Variants in TRMT11 observed in about 807,000 individuals in gnomAD.
TRMT11 encodes the protein tRNA methyltransferase 11, also known as tRNA (guanine(10)-N(2))-methyltransferase TRMT11.
Under a neutral mutation model 62.8 loss-of-function variants are expected in TRMT11, and 53 were observed. The ratio of observed to expected loss-of-function variants is 0.84; its 90% CI spans 0.68 to 1.06. TRMT11 has a LOEUF of 1.06. Among genes scored for constraint, TRMT11 ranks in the 50% least tolerant of loss-of-function variants. TRMT11 has a pLI of 0.00. For synonymous variants in TRMT11, 188 were observed against 190.3 expected, an observed-to-expected ratio of 0.99 and a Z score of 0.10; for missense variants, 556 against 553.4, an observed-to-expected ratio of 1.00 and a Z score of -0.05.
At chr6:126,134,021 C>A (rs1472381801) in intron 21 of TRMT11, among the ~76,000 whole-genome samples, 1 of 151,722 alleles carries the variant, frequency 6.6e-6, no homozygotes, top group Non-Finnish European at 1.5e-5. Context: ...GAGTAAAAAT[C>A]AATTTCAATT....
At chr6:126,240,876 C>T in the TRMT11 span, among the ~76,000 whole-genome samples, 23 of 152,332 alleles carry the variant, frequency 1.5e-4, no homozygotes, top group East Asian at 3.9e-4. Context: ...GCTTCCAGGC[C>T]GCTTTGTTTA....
At chr6:126,134,673 A>G (rs1777830990) in intron 21 of TRMT11, among the ~76,000 whole-genome samples, 1 of 151,896 alleles carries the variant, frequency 6.6e-6, no homozygotes, top group Admixed American at 6.6e-5. Context: ...CATTTCATCC[A>G]GTTGGATGTG....
At chr6:126,056,054 A>G (rs1311281249) in intron 17 of TRMT11, among the ~76,000 whole-genome samples, 2 of 152,230 alleles carry the variant, frequency 1.3e-5, no homozygotes, top group African/African-American at 4.8e-5. Context: ...ATGTGAAACA[A>G]TGGCAAAAGC....
chr6:126,033,106 G>A (rs1302696196), intron 12 of TRMT11, among the ~76,000 whole-genome samples: 1 of 152,130 alleles, frequency 6.6e-6, no homozygotes, highest in Non-Finnish European at 1.5e-5. Flanking sequence ...TAAGAAGGAG[G>A]TGATAAAAGA....
At chr6:126,117,122 C>T (rs1176347854) in intron 21 of TRMT11, among the ~76,000 whole-genome samples, 1 of 152,034 alleles carries the variant, frequency 6.6e-6, no homozygotes, top group Non-Finnish European at 1.5e-5. Context: ...TACTTTTGTA[C>T]ATTTGCTTTT....
At chr6:126,076,906 A>G (rs1250913680) in intron 17 of TRMT11, among the ~76,000 whole-genome samples, 1 of 152,174 alleles carries the variant, frequency 6.6e-6, no homozygotes, top group African/African-American at 2.4e-5. Context: ...ATATTAAGGG[A>G]GAGACTCCCC....
In TRMT11 at chr6:126,012,794, A is replaced by G; in HGVS notation, c.949A>G (p.Thr317Ala). ...AGCTCCATATGGTATCAGAGAATCT[A>G]CAAGAAGAACAGGTTCACAGAAGGA... The part of the protein sequence containing the change: ...TDPPYGIRES[T>A]RRTGSQKEIP... Residue 317 changes from threonine (T) to alanine (A), a missense_variant, in exon 10 of 13, where the codon ACA (threonine) becomes GCA (alanine). By Grantham distance (58) the Thr-to-Ala change is moderately conservative. Coordinates refer to ENST00000334379, the MANE Select transcript of TRMT11 (RefSeq NM_001031712.3). The G allele has an allele frequency of 6.2e-7, 1 of 1,613,730 alleles. No homozygotes were observed. Among genetic ancestry groups the G allele is most frequent in the Non-Finnish European group, 8.5e-7 (1 of 1,179,696 alleles).
At chr6:126,027,485 C>T (rs1193434470) in intron 12 of TRMT11, among the ~76,000 whole-genome samples, 2 of 152,094 alleles carry the variant, frequency 1.3e-5, no homozygotes, top group Non-Finnish European at 2.9e-5. Flanking sequence ...ATTAAGTGGG[C>T]CATCATGTGC....
At chr6:126,131,891 G>A (rs1777788330) in intron 21 of TRMT11, among the ~76,000 whole-genome samples, 1 of 151,816 alleles carries the variant, frequency 6.6e-6, no homozygotes, top group Non-Finnish European at 1.5e-5. Flanking sequence ...AATACAATAT[G>A]CCTTGCTGGC....
At chr6:126,267,940 C>A in the TRMT11 span, among the ~76,000 whole-genome samples, 1 of 151,782 alleles carries the variant, frequency 6.6e-6, no homozygotes, top group Non-Finnish European at 1.5e-5. Flanking sequence ...TAATCTCTTA[C>A]TCTGAGAGAT....
chr6:126,067,179 G>A (rs183787410), intron 17 of TRMT11, among the ~76,000 whole-genome samples: 164 of 147,452 alleles, frequency 1.1e-3, no homozygotes, highest in Non-Finnish European at 1.8e-3. Flanking sequence ...CAGCCTGGGC[G>A]ACAGAGTGAG....
At chr6:126,235,157 C>T in the TRMT11 span, among the ~76,000 whole-genome samples, 2 of 152,044 alleles carry the variant, frequency 1.3e-5, no homozygotes, top group Non-Finnish European at 2.9e-5. Flanking sequence ...AATGAGATAC[C>T]ATCTCACACT....
At chr6:126,268,779 GTTAAAATTGGATA>G in the TRMT11 span, among the ~76,000 whole-genome samples, 2 of 152,126 alleles carry the variant, frequency 1.3e-5, no homozygotes, top group Non-Finnish European at 2.9e-5. Flanking sequence ...AAAATTAGAT[GTTAAAATTGGATA>G]TTAAAACACA....
the TRMT11 span, among the ~76,000 whole-genome samples, chr6:126,218,739 A>G: frequency 1.3e-5 from 2 of 152,208 alleles, no homozygotes; most frequent in Admixed American, 6.5e-5. Flanking sequence ...TTTTCTCACT[A>G]GGTCATGTGC....
At chr6:126,138,016 A>G (rs1777872473) in intron 21 of TRMT11, among the ~76,000 whole-genome samples, 1 of 151,960 alleles carries the variant, frequency 6.6e-6, no homozygotes, top group African/African-American at 2.4e-5. Context: ...AATATAGTTA[A>G]TAGAAGGAAT....
At chr6:126,135,839 A>G (rs1777843594) in intron 21 of TRMT11, among the ~76,000 whole-genome samples, 1 of 151,906 alleles carries the variant, frequency 6.6e-6, no homozygotes, top group African/African-American at 2.4e-5. Context: ...AACATACACA[A>G]ATCAATAAAC....
chr6:126,005,526 A>G (rs1793221775), intron 7 of TRMT11, among the ~76,000 whole-genome samples: 1 of 151,984 alleles, frequency 6.6e-6, no homozygotes, highest in South Asian at 2.1e-4. Context: ...GTGAACTGTA[A>G]TGGTTATCAT....
intron 17 of TRMT11, among the ~76,000 whole-genome samples, chr6:126,106,481 G>T (rs1046406669): frequency 6.6e-5 from 10 of 152,058 alleles, no homozygotes; most frequent in African/African-American, 2.4e-4. Flanking sequence ...TAGCTTTTTG[G>T]CCTCACTACT....
At chr6:125,997,994 TG>T (rs1791850764) in intron 3 of TRMT11, 58 bp from the exon 4 acceptor site, 1 of 1,163,416 alleles carries the variant, frequency 8.6e-7, no homozygotes, top group Non-Finnish European at 1.3e-6. Flanking sequence ...AATGACTGTA[TG>T]TATTCCTGTG....
Sources: gnomAD v4.1 joint callset for allele counts (sites outside exome capture counted in the v4.1 genomes callset) on GRCh38, gnomAD v4.1.1 for gene constraint, MANE v1.5 for transcripts, NCBI Gene and HGNC (gene_info 2026-07-23, HGNC 2026-07-21) for gene names.